Variants in ENPP6 observed in about 807,000 individuals in gnomAD.
ENPP6 encodes the protein glycerophosphocholine cholinephosphodiesterase ENPP6.
ENPP6 carries 32 observed loss-of-function variants against 42.0 expected under a neutral mutation model. The ratio of observed to expected loss-of-function variants is 0.76; its 90% CI spans 0.58 to 1.02. The LOEUF is 1.02. Among genes scored for constraint, ENPP6 ranks in the 50% least tolerant of loss-of-function variants. The pLI, the probability that ENPP6 is intolerant of heterozygous loss-of-function variation, is 0.00. For synonymous variants in ENPP6, 213 were observed against 216.0 expected (o/e 0.99, Z 0.12); for missense variants, 552 against 566.8 (o/e 0.97, Z 0.27).
intron 1 of ENPP6, among the ~76,000 whole-genome samples, chr4:184,153,975 G>A (rs1737110303): frequency 6.6e-6 from 1 of 152,090 alleles, no homozygotes; most frequent in African/African-American, 2.4e-5. Context: ...ACGTCACCCT[G>A]TCAAGTCAGC....
rs1560982929 is a variant in ENPP6, at chr4:184,116,856, C to T, written c.855G>A (p.Glu285=). 1.2e-6 allele frequency: 2 copies of T among 1,613,348 alleles called. No homozygotes were observed. Among genetic ancestry groups the T allele is most frequent in the Admixed American group, 1.7e-5 (1 of 60,022 alleles). Residue 285 remains glutamate (E), a splice_region_variant and synonymous_variant, in exon 5 of 8, where the codon GAG becomes GAA. Transcript: ENST00000296741. ...TCCGCCCCCCACGGGTCTGTCTTGC[C>T]TCAGAGTGTTTCCCAGGGGCCGGCC... ...SLWPAPGKHS[E]IYNKLSTVEH... is the part of the protein sequence containing the mutation.
At chr4:184,190,184 T>C (rs1732695079) in intron 1 of ENPP6, among the ~76,000 whole-genome samples, 2 of 152,194 alleles carry the variant, frequency 1.3e-5, no homozygotes, top group South Asian at 2.1e-4. Context: ...CTAATATCTC[T>C]TGGGTAATAC....
At chr4:184,104,017 C>CTTTTTT (rs34970688) in intron 6 of ENPP6, among the ~76,000 whole-genome samples, 1 of 148,280 alleles carries the variant, frequency 6.7e-6, no homozygotes, top group Admixed American at 6.7e-5. Flanking sequence ...CTTTTCTTTT[C>CTTTTTT]TTTTCTTTTT....
At chr4:184,103,847 G>T (rs1049968653) in intron 6 of ENPP6, among the ~76,000 whole-genome samples, 1 of 152,086 alleles carries the variant, frequency 6.6e-6, no homozygotes, top group African/African-American at 2.4e-5. Context: ...TCAGGCCTCG[G>T]CCTGCTGGCC....
At chr4:184,213,530 C>T (rs1419592495) in intron 1 of ENPP6, among the ~76,000 whole-genome samples, 16 of 151,820 alleles carry the variant, frequency 1.1e-4, no homozygotes, top group African/African-American at 3.9e-4. Context: ...CAAATCAAAA[C>T]CACAATGAGA....
chr4:184,182,164 G>GAA (rs796142730), intron 1 of ENPP6, among the ~76,000 whole-genome samples: 11 of 137,702 alleles, frequency 8.0e-5, no homozygotes, highest in African/African-American at 2.7e-4. Context: ...AAATCTACAA[G>GAA]AAAAAAAAAA....
chr4:184,179,497 C>A (rs941472106), intron 1 of ENPP6, among the ~76,000 whole-genome samples: 5 of 152,148 alleles, frequency 3.3e-5, no homozygotes, highest in Non-Finnish European at 7.3e-5. Flanking sequence ...TTGAACTCAG[C>A]CCTGGATCGA....
intron 1 of ENPP6, among the ~76,000 whole-genome samples, chr4:184,173,336 G>C (rs1382170416): frequency 6.6e-6 from 1 of 152,190 alleles, no homozygotes; most frequent in Non-Finnish European, 1.5e-5. Flanking sequence ...GAAACAATCT[G>C]AACATAAAAC....
At chr4:184,116,477 G>C (rs1202390953) in intron 5 of ENPP6, among the ~76,000 whole-genome samples, 2 of 152,040 alleles carry the variant, frequency 1.3e-5, no homozygotes, top group Non-Finnish European at 2.9e-5. Flanking sequence ...GCTCACACCT[G>C]TAATCCCAGC....
chr4:184,174,070 C>G (rs1025348781), intron 1 of ENPP6, among the ~76,000 whole-genome samples: 2 of 151,500 alleles, frequency 1.3e-5, no homozygotes, highest in African/African-American at 4.9e-5. Context: ...CCGGAAGAGG[C>G]ACGATCCGAT....
intron 4 of ENPP6, 63 bp downstream of exon 4, chr4:184,117,696 T>A: frequency 1.3e-6 from 2 of 1,594,796 alleles, no homozygotes; most frequent in Non-Finnish European, 1.7e-6. Flanking sequence ...GGAGTGACTG[T>A]GGAGGAGACA....
chr4:184,209,152 A>G (rs1296937600), intron 1 of ENPP6, among the ~76,000 whole-genome samples: 1 of 151,362 alleles, frequency 6.6e-6, no homozygotes, highest in Non-Finnish European at 1.5e-5. Context: ...AGAACAGAAA[A>G]ACTGGAAACT....
intron 1 of ENPP6, among the ~76,000 whole-genome samples, chr4:184,203,615 G>A (rs1411657091): frequency 3.9e-5 from 6 of 152,182 alleles, no homozygotes; most frequent in Non-Finnish European, 7.3e-5. Context: ...GTATCTACCG[G>A]CCAAGGAATA....
intron 2 of ENPP6, among the ~76,000 whole-genome samples, chr4:184,128,776 G>A (rs1362951969): frequency 1.3e-5 from 2 of 152,142 alleles, no homozygotes; most frequent in Non-Finnish European, 2.9e-5. Flanking sequence ...TATTAGCATA[G>A]AATGTGCATT....
At chr4:184,167,753 C>T (rs1418221210) in intron 1 of ENPP6, among the ~76,000 whole-genome samples, 1 of 152,176 alleles carries the variant, frequency 6.6e-6, no homozygotes, top group Non-Finnish European at 1.5e-5. Context: ...AGAGCAGCCT[C>T]TCAAGTCTCA....
At chr4:184,198,822 A>T (rs1400583755) in intron 1 of ENPP6, among the ~76,000 whole-genome samples, 2 of 152,236 alleles carry the variant, frequency 1.3e-5, no homozygotes, top group African/African-American at 2.4e-5. Flanking sequence ...TCAAAAACAT[A>T]GGCAACAAGA....
chr4:184,091,174 C>G lies in ENPP6; in HGVS notation c.*3G>C. ...TTTTTTCTGAGACAAGCAATATGAT[C>G]AGTTATGCAAGCAGGAAGAGAAGAA... On this transcript the variant is annotated 3_prime_UTR_variant, in exon 8 of 8. Transcript: ENST00000296741. 6.6e-7 allele frequency: 1 copy of G among 1,522,564 alleles called. No homozygotes were observed. The highest frequency in any genetic ancestry group is 8.8e-7 in the Non-Finnish European group (1 of 1,135,132). 94.3% of individuals were successfully genotyped at this position (1,522,564 alleles called of 1,614,324 possible).
chr4:184,145,911 G>T (rs1037639295), intron 2 of ENPP6, among the ~76,000 whole-genome samples: 2 of 152,132 alleles, frequency 1.3e-5, no homozygotes, highest in Admixed American at 6.5e-5. Flanking sequence ...AAACAAATTT[G>T]GAACAAAGCA....
At chr4:184,115,941 C>T (rs946291820) in intron 5 of ENPP6, among the ~76,000 whole-genome samples, 1 of 152,142 alleles carries the variant, frequency 6.6e-6, no homozygotes, top group East Asian at 1.9e-4. Flanking sequence ...CTAGGCCGGG[C>T]ACGGTGGTTC....
Sources: allele counts gnomAD v4.1 joint callset (sites outside exome capture counted in the v4.1 genomes callset), GRCh38; gene constraint gnomAD v4.1.1; transcripts MANE v1.5; gene names NCBI Gene and HGNC (gene_info 2026-07-23, HGNC 2026-07-21).